The following IPO9 variants were observed in gnomAD, a reference collection of about 807,000 sequenced individuals.
The protein encoded by IPO9 is importin 9.
IPO9 carries 28 observed loss-of-function variants against 128.6 expected under a neutral mutation model. The observed-to-expected ratio is 0.22, with a 90% confidence interval of 0.16 to 0.30. IPO9 has a LOEUF of 0.30. Ranked by LOEUF, IPO9 falls within the 10% of genes least tolerant of loss-of-function variation. The probability of loss-of-function intolerance (pLI) is 1.00; values close to 1 mark genes in which losing one functional copy is unlikely to be tolerated. For synonymous variants in IPO9, 455 were observed against 475.8 expected (o/e 0.96, Z 0.57); for missense variants, 935 against 1,293.9 (o/e 0.72, Z 4.26).
chr1:201,869,692 C>T lies in IPO9; in HGVS notation c.2107C>T (p.His703Tyr). ...CCCTGCTGTGGCACAGTGTACCCTT[C>T]ACACAGATGACAATGCCACCATGCA... is the stretch of plus-strand genomic sequence containing the variant. ...AFPAVAQCTLHTDDNATMQNG... is the reference protein window; with the variant it reads ...AFPAVAQCTLYTDDNATMQNG... Residue 703 changes from histidine to tyrosine, a missense_variant, in exon 17 of 24, where the codon CAC becomes TAC. Around this residue, in one of 3 missense-constraint regions of IPO9, gnomAD observed 741 missense variants for 1,019.1 expected, o/e 0.73. Coordinates refer to ENST00000361565, the MANE Select transcript of IPO9 (RefSeq NM_018085.5). The T allele has an allele frequency of 6.2e-7, 1 of 1,614,180 alleles. No homozygotes were observed. Among genetic ancestry groups the T allele is most frequent in the Non-Finnish European group, 8.5e-7 (1 of 1,180,016 alleles).
At chr1:201,846,563 G>A (rs1319021511) in intron 1 of IPO9, among the ~76,000 whole-genome samples, 2 of 152,012 alleles carry the variant, frequency 1.3e-5, no homozygotes, top group South Asian at 2.1e-4. Context: ...TAGTAGAGAC[G>A]GGGTTTTCAC....
intron 13 of IPO9, among the ~76,000 whole-genome samples, chr1:201,860,725 CTTTAA>C (rs1558221802): frequency 6.6e-6 from 1 of 152,056 alleles, no homozygotes; most frequent in Non-Finnish European, 1.5e-5. Flanking sequence ...TTTTATGTGG[CTTTAA>C]TTTATTAATA....
intron 13 of IPO9, among the ~76,000 whole-genome samples, chr1:201,861,854 C>T (rs531322734): frequency 2.9e-4 from 44 of 152,294 alleles, no homozygotes; most frequent in Non-Finnish European, 5.3e-4. Flanking sequence ...GACAGAATTA[C>T]TGTGGCATAG....
chr1:201,883,260 C>A lies in IPO9; in HGVS notation c.*7206C>A, dbSNP rs1680923327. The A allele has an allele frequency of 6.6e-6, 1 of 150,544 alleles. No individual in the cohort carries two copies. The highest frequency in any genetic ancestry group is 1.5e-5 in the Non-Finnish European group (1 of 67,636). The allele number at this position is 150,544 out of a possible 1,614,324, so 9.3% of individuals were successfully genotyped here. A position where few individuals can be genotyped will look rare whatever the true frequency, so the allele number is the denominator to read the frequency against. On this transcript the variant is annotated 3_prime_UTR_variant, in exon 24 of 24. Transcript: ENST00000361565. The stretch of plus-strand genomic sequence containing the variant: ...TGCTTTTGTAGGGTGGACAGCAGGA[C>A]TGCATGAGAATAGCTGTGCTTCTGG...
At chr1:201,860,240 T>C (rs1040282407) in intron 13 of IPO9, among the ~76,000 whole-genome samples, 1 of 152,246 alleles carries the variant, frequency 6.6e-6, no homozygotes, top group African/African-American at 2.4e-5. Flanking sequence ...CATTTGAAAA[T>C]GTTCTGCTCT....
chr1:201,876,097 A>C lies in IPO9; in HGVS notation c.*43A>C. The C allele has an allele frequency of 7.4e-7, 1 of 1,348,026 alleles. No individual in the cohort carries two copies. The highest frequency in any genetic ancestry group is 1.2e-5 in the South Asian group (1 of 85,678). 83.5% of individuals were successfully genotyped at this position (1,348,026 alleles called of 1,614,324 possible). ...CATTTGCTCCTTCTGGGCCAGCCGC[A>C]AACCATTTTGCAGCCCTCACTGGCC... On this transcript the variant is annotated 3_prime_UTR_variant, in exon 24 of 24. Coordinates refer to ENST00000361565, the MANE Select transcript of IPO9 (RefSeq NM_018085.5).
intron 1 of IPO9, among the ~76,000 whole-genome samples, chr1:201,847,075 G>A (rs113809842): frequency 3.3e-5 from 5 of 152,328 alleles, no homozygotes; most frequent in African/African-American, 9.6e-5. Flanking sequence ...GTGTAAGGGT[G>A]TTGAAACTTC....
intron 1 of IPO9, among the ~76,000 whole-genome samples, chr1:201,834,053 C>CATG (rs1401708626): frequency 6.6e-6 from 1 of 152,086 alleles, no homozygotes; most frequent in Non-Finnish European, 1.5e-5. Context: ...AGATTATAGG[C>CATG]ATGAGCAACC....
chr1:201,860,894 A>G (rs938059567), intron 13 of IPO9, among the ~76,000 whole-genome samples: 3 of 152,204 alleles, frequency 2.0e-5, no homozygotes, highest in Non-Finnish European at 1.5e-5. Flanking sequence ...GAGGCCGGGC[A>G]TGGTGGCTTA....
intron 14 of IPO9, 152 bp from the exon 15 acceptor site, chr1:201,866,581 A>G (rs143332145): frequency 2.2e-5 from 13 of 600,204 alleles, no homozygotes; most frequent in Admixed American, 9.3e-5. Flanking sequence ...TGATGTTTAT[A>G]TAATACATCC....
chr1:201,876,145 C>G lies in IPO9; in HGVS notation c.*91C>G, dbSNP rs1174517586. 1 of 896,876 alleles carries G rather than the reference C, an allele frequency of 1.1e-6. No individual in the cohort carries two copies. The highest frequency in any genetic ancestry group is 1.6e-5 in the African/African-American group (1 of 61,102). 55.6% of individuals were successfully genotyped at this position (896,876 alleles called of 1,614,324 possible). ...GCCTTGAGATGCACTTTCTTCTCAACCTAAAGTGGCATCTTGACCCTTGGC... is the reference window on the plus strand; with the variant it reads ...GCCTTGAGATGCACTTTCTTCTCAAGCTAAAGTGGCATCTTGACCCTTGGC... On this transcript the variant is annotated 3_prime_UTR_variant, in exon 24 of 24. Transcript: ENST00000361565.
intron 7 of IPO9, 27 bp from the exon 8 acceptor site, chr1:201,854,796 T>G (rs780867580): frequency 1.2e-6 from 2 of 1,602,734 alleles, no homozygotes; most frequent in South Asian, 2.2e-5. Context: ...CACTCATAAC[T>G]TGGGTCCTTT....
intron 6 of IPO9, among the ~76,000 whole-genome samples, chr1:201,853,740 AATTT>A (rs752374876): frequency 1.6e-4 from 25 of 151,570 alleles, no homozygotes; most frequent in Non-Finnish European, 3.2e-4. Context: ...TGAACGAATG[AATTT>A]ATTTATTTAT....
chr1:201,849,164 CA>C (rs1206873345), intron 4 of IPO9, among the ~76,000 whole-genome samples: 1 of 152,140 alleles, frequency 6.6e-6, no homozygotes, highest in African/African-American at 2.4e-5. Flanking sequence ...TTCATTTAGC[CA>C]GTTAGAGAAT....
chr1:201,838,125 G>A lies in IPO9; in HGVS notation c.163+8753G>A, dbSNP rs144420144. ...TCCCAGATAATTTGTGAATGTGCTTGTAGATTATTGTGAAGGAAGTTACAT... is the reference window on the plus strand; with the variant it reads ...TCCCAGATAATTTGTGAATGTGCTTATAGATTATTGTGAAGGAAGTTACAT... On this transcript the variant is annotated intron_variant, in intron 1 of 23. Coordinates refer to ENST00000361565, the MANE Select transcript of IPO9 (RefSeq NM_018085.5). Among the ~76,000 whole-genome samples the A allele has an allele frequency of 8.5e-5, 13 of 152,318 alleles. 2 individuals carry two copies. The highest frequency in any genetic ancestry group is 3.1e-4 in the African/African-American group (13 of 41,566).
At position 201,874,293 on chromosome 1, in the gene IPO9, A is replaced by C. The variant is rs374298456; in HGVS notation, c.2754A>C (p.Leu918=). ...WTNIPLLVKI[L]KLIINELSNV... is the part of the protein sequence containing the mutation. ...ACATTCCTTTGCTGGTCAAGATCCT[A>C]AAGCTGATCATCAACGAGCTCTCCA... The change falls in exon 21 of 24, where the codon CTA becomes CTC. Residue 918 remains leucine, a synonymous_variant. Transcript: ENST00000361565. The C allele has an allele frequency of 6.2e-6, 10 of 1,613,946 alleles. No homozygotes were observed. The highest frequency in any genetic ancestry group is 2.7e-5 in the African/African-American group (2 of 75,036).
At chr1:201,838,451 G>A (rs182944587) in intron 1 of IPO9, among the ~76,000 whole-genome samples, 70 of 152,200 alleles carry the variant, frequency 4.6e-4, no homozygotes, top group African/African-American at 1.3e-3. Context: ...CCATATCTTC[G>A]GGTTGTAGAT....
intron 1 of IPO9, among the ~76,000 whole-genome samples, chr1:201,831,885 T>TTTGTTGTTGTTGTTGTTGTTG (rs10646458): frequency 3.3e-5 from 5 of 150,698 alleles, no homozygotes; most frequent in Admixed American, 6.6e-5. Context: ...GTTTTTTGCT[T>TTTGTTGTTGTTGTTGTTGTTG]TTGTTGTTGT....
intron 1 of IPO9, among the ~76,000 whole-genome samples, chr1:201,845,021 T>C (rs953123391): frequency 7.2e-6 from 1 of 139,152 alleles, no homozygotes; most frequent in Admixed American, 7.2e-5. Context: ...GTATTTTTTT[T>C]GGGAGGGGGG....
Sources: gnomAD v4.1 joint callset for allele counts (sites outside exome capture counted in the v4.1 genomes callset) on GRCh38, gnomAD v4.1.1 for gene constraint, gnomAD v4.1.1 regional missense constraint, MANE v1.5 for transcripts, NCBI Gene and HGNC (gene_info 2026-07-23, HGNC 2026-07-21) for gene names.